Variants in CHLSN observed in about 807,000 individuals in gnomAD.
CHLSN encodes the protein cholesin, also known as protein cholesin.
chr7:1,080,075 T>C, the CHLSN span, among the ~76,000 whole-genome samples: 1 of 152,182 alleles, frequency 6.6e-6, no homozygotes, highest in African/African-American at 2.4e-5. Context: ...CAGGGCTCAG[T>C]AGGACCCTTT....
At chr7:1,002,067 G>T in the CHLSN span, among the ~76,000 whole-genome samples, 2 of 134,922 alleles carry the variant, frequency 1.5e-5, no homozygotes, top group African/African-American at 5.7e-5. Flanking sequence ...GGGGAGTCCT[G>T]TGGGTGGGGA....
chr7:1,032,169 C>T, the CHLSN span, among the ~76,000 whole-genome samples: 1 of 152,186 alleles, frequency 6.6e-6, no homozygotes, highest in Non-Finnish European at 1.5e-5. Flanking sequence ...GTAGATGGGC[C>T]CCAGATCCAG....
At chr7:1,092,506 A>G in the CHLSN span, 3 of 1,607,938 alleles carry the variant, frequency 1.9e-6, no homozygotes, top group Non-Finnish European at 1.7e-6. Context: ...GGCGCTCCGC[A>G]TGATCCTCGC....
At chr7:1,054,072 C>A in the CHLSN span, among the ~76,000 whole-genome samples, 194 of 152,314 alleles carry the variant, frequency 1.3e-3, no homozygotes, top group Middle Eastern at 3.4e-3. Context: ...AGCCCAGCTC[C>A]TGACAAAGGC....
chr7:992,721 G>T, the CHLSN span, among the ~76,000 whole-genome samples: 2 of 152,244 alleles, frequency 1.3e-5, no homozygotes, highest in African/African-American at 2.4e-5. Flanking sequence ...CCCTCAGAGC[G>T]GGGGTCTTCT....
the CHLSN span, chr7:983,392 C>T: frequency 2.0e-6 from 3 of 1,498,074 alleles, no homozygotes; most frequent in Non-Finnish European, 2.7e-6. Context: ...GGAGGTAAGT[C>T]AGGGAGCCCG....
At chr7:1,000,053 G>A in the CHLSN span, among the ~76,000 whole-genome samples, 1 of 152,224 alleles carries the variant, frequency 6.6e-6, no homozygotes, top group African/African-American at 2.4e-5. Context: ...ACACGTGCAG[G>A]TGGCCTCCCT....
chr7:1,040,190 A>AT, the CHLSN span, among the ~76,000 whole-genome samples: 2,643 of 119,642 alleles, frequency 0.022, 251 homozygotes, highest in East Asian at 0.19. Context: ...ATTTAAAAAA[A>AT]AAAAAAAAAA....
the CHLSN span, chr7:1,092,452 G>A: frequency 6.2e-7 from 1 of 1,608,202 alleles, no homozygotes; most frequent in Non-Finnish European, 8.5e-7. Context: ...CCGGGTGCTG[G>A]TCAGGGCGCA....
the CHLSN span, among the ~76,000 whole-genome samples, chr7:1,041,914 C>T: frequency 6.6e-6 from 1 of 152,138 alleles, no homozygotes; most frequent in Admixed American, 6.5e-5. Flanking sequence ...TCCGGACCGC[C>T]ACTCAGAATA....
chr7:1,037,320 T>C, the CHLSN span, among the ~76,000 whole-genome samples: 2,816 of 136,228 alleles, frequency 0.021, 175 homozygotes, highest in Non-Finnish European at 0.03. Context: ...AGCTGGACTG[T>C]ACTGCTGCCA....
the CHLSN span, chr7:984,915 A>T: frequency 1.3e-6 from 2 of 1,551,136 alleles, no homozygotes; most frequent in Non-Finnish European, 1.7e-6. Flanking sequence ...CTGGGGTGGG[A>T]ACCTGGGCTC....
the CHLSN span, among the ~76,000 whole-genome samples, chr7:1,120,150 T>C: frequency 1.3e-5 from 2 of 152,182 alleles, no homozygotes; most frequent in Admixed American, 1.3e-4. Flanking sequence ...CAGCCAAAAA[T>C]TATACCTCAA....
At chr7:1,092,700 C>T in the CHLSN span, 16 of 1,613,546 alleles carry the variant, frequency 9.9e-6, no homozygotes, top group Non-Finnish European at 1.2e-5. Context: ...CCCTCATCTA[C>T]AGCTTTCTCG....
the CHLSN span, among the ~76,000 whole-genome samples, chr7:1,073,775 G>A: frequency 4.0e-5 from 3 of 74,084 alleles, no homozygotes; most frequent in African/African-American, 1.1e-4. Flanking sequence ...CACTCCCCAC[G>A]ACCCCCCACC....
At chr7:1,130,110 G>A in the CHLSN span, among the ~76,000 whole-genome samples, 3 of 152,192 alleles carry the variant, frequency 2.0e-5, no homozygotes, top group Admixed American at 2.0e-4. Context: ...AAGGAGCATG[G>A]AGCAGGCCAC....
chr7:1,015,384 C>T, the CHLSN span, among the ~76,000 whole-genome samples: 2 of 152,346 alleles, frequency 1.3e-5, no homozygotes, highest in Middle Eastern at 3.4e-3. Flanking sequence ...GTGCAAGTCC[C>T]TGTCTCATGA....
At chr7:1,098,478 G>C in the CHLSN span, among the ~76,000 whole-genome samples, 1 of 152,338 alleles carries the variant, frequency 6.6e-6, no homozygotes, top group African/African-American at 2.4e-5. Flanking sequence ...CCACAGCATG[G>C]TGGACCTGGA....
the CHLSN span, chr7:1,000,363 G>A: frequency 1.5e-3 from 1,376 of 926,480 alleles, 14 homozygotes; most frequent in African/African-American, 0.024. Flanking sequence ...CCCGGGAGAC[G>A]TGCCTGCCCC....
Sources: gnomAD v4.1 joint callset for allele counts (sites outside exome capture counted in the v4.1 genomes callset) on GRCh38, gnomAD v4.1.1 for gene constraint, MANE v1.5 for transcripts, NCBI Gene and HGNC (gene_info 2026-07-23, HGNC 2026-07-21) for gene names.